CDK11A: variants seen among roughly 807,000 people sequenced by gnomAD.
CDK11A encodes cyclin-dependent kinase 11A.
CDK11A carries 55 observed loss-of-function variants against 83.6 expected under a neutral mutation model. The observed-to-expected ratio is 0.66, with a 90% CI of 0.53 to 0.82. The LOEUF (loss-of-function observed/expected upper bound fraction) is 0.82. Ranked by LOEUF, CDK11A falls within the 40% of genes least tolerant of loss-of-function variation. The probability of loss-of-function intolerance (pLI) is 0.00; values close to 1 mark genes in which losing one functional copy is unlikely to be tolerated. For missense variants in CDK11A, 564 were observed against 810.1 expected (o/e 0.70, Z 3.69); for synonymous variants, 247 against 302.7 (o/e 0.82, Z 1.91).
chr1:1,722,815 C>T lies in CDK11A; in HGVS notation c.4G>A (p.Gly2Ser). ...ACTTTCCAAGAGTCCTTTTCATCAC[C>T]CATTTGAGTTAAAACACTGCAAAAA... Reference protein sequence around the residue: MGDEKDSWKVKT... With the variant: MSDEKDSWKVKT... Residue 2 changes from glycine (G) to serine (S), a missense_variant, in exon 2 of 20, where the codon GGT becomes AGT. By Grantham distance (56) the Gly-to-Ser change is moderately conservative (BLOSUM62 0). Coordinates refer to ENST00000404249, the MANE Select transcript of CDK11A (RefSeq NM_024011.4). 3 of 1,366,052 alleles carry T rather than the reference C, an allele frequency of 2.2e-6. No individual in the cohort carries two copies. Among genetic ancestry groups the T allele is most frequent in the Non-Finnish European group, 2.9e-6 (3 of 1,023,596 alleles). 84.6% of individuals were successfully genotyped at this position (1,366,052 alleles called of 1,614,324 possible).
chr1:1,708,399 G>T (rs1200415217), intron 9 of CDK11A, among the ~76,000 whole-genome samples, 154 bp from the exon 10 acceptor site: 6 of 149,910 alleles, frequency 4.0e-5, no homozygotes, highest in Admixed American at 4.0e-4. Context: ...CCAGTGCTTT[G>T]GGAGGCCGAG....
At chr1:1,723,669 CAA>C (rs981993999) in intron 1 of CDK11A, 4 of 110,346 alleles carry the variant, frequency 3.6e-5, no homozygotes, top group Non-Finnish European at 7.6e-5. Context: ...GCATGGGCGA[CAA>C]AAAAGAGTGA....
In CDK11A at chr1:1,715,318, C is replaced by A. The variant is rs575378841; in HGVS notation, c.488+1028G>T. ...TCTGGATTGGCTGATCTGAATCGGC[C>A]CTACCCAGAAGTCTGCCCCCAACAA... On this transcript the variant is annotated intron_variant, in intron 5 of 19. Transcript: ENST00000404249. 2.3e-5 allele frequency among the ~76,000 whole-genome samples: 3 copies of A among 128,260 alleles called. No individual in the cohort carries two copies. In the South Asian group the frequency reaches 7.8e-4, roughly 33 times the overall value. 84.1% of individuals were successfully genotyped at this position (128,260 alleles called of 152,430 possible). A position where few individuals can be genotyped will look rare whatever the true frequency, so the allele number is the denominator to read the frequency against.
chr1:1,716,310 C>T, intron 5 of CDK11A, 36 bp downstream of exon 5: 2 of 1,600,542 alleles, frequency 1.2e-6, no homozygotes, highest in East Asian at 2.2e-5. Context: ...TACCACGGCC[C>T]TTTCATAAAG....
intron 11 of CDK11A, among the ~76,000 whole-genome samples, chr1:1,706,382 C>T (rs1303433097): frequency 2.6e-5 from 4 of 151,384 alleles, no homozygotes; most frequent in South Asian, 2.1e-4. Context: ...CAAAACTCTT[C>T]TCTACAAAAT....
intron 6 of CDK11A, among the ~76,000 whole-genome samples, chr1:1,710,789 A>T (rs1247617605): frequency 7.3e-6 from 1 of 137,600 alleles, no homozygotes; most frequent in Non-Finnish European, 1.6e-5. Context: ...GAGACAGAAG[A>T]TCCAACAAGA....
intron 11 of CDK11A, among the ~76,000 whole-genome samples, chr1:1,706,772 G>T (rs1233556588): frequency 1.3e-5 from 2 of 150,878 alleles, no homozygotes; most frequent in Non-Finnish European, 3.0e-5. Flanking sequence ...AAGGGGCAGA[G>T]GCGCTCACAA....
Position 1,703,854 on chromosome 1 carries a change from C to A in CDK11A, c.1881G>T (p.Ser627=). ...LTQKPLFPGN[S]EIDQINKVFK... ...ACACTTTGTTGATCTGATCGATTTC[C>A]GAATTCCCGGGGAACAGAGGCTTCT... The change falls in exon 17 of 20, where the codon TCG becomes TCT. Residue 627 remains serine, a synonymous_variant. Transcript: ENST00000404249. 3 of 1,609,328 alleles carry A rather than the reference C, an allele frequency of 1.9e-6. No individual in the cohort carries two copies. Among genetic ancestry groups the A allele is most frequent in the Non-Finnish European group, 2.5e-6 (3 of 1,176,924 alleles).
At position 1,704,759 on chromosome 1, in the gene CDK11A, G is replaced by A. The variant is rs570123809; in HGVS notation, c.1459-104C>T. On this transcript the variant is annotated intron_variant, in intron 13 of 19. Transcript: ENST00000404249. ...ACAGTAAGGACCTCCGGTGCCACCC[G>A]GGAGGCAAATACTTGCTTCTGTGTG... The A allele has an allele frequency of 2.8e-4, 442 of 1,598,824 alleles. 17 individuals carry two copies. Among genetic ancestry groups the A allele is most frequent in the Non-Finnish European group, 3.6e-4 (419 of 1,170,022 alleles).
At chr1:1,720,966 G>A (rs532042749) in intron 3 of CDK11A, among the ~76,000 whole-genome samples, 11 of 150,514 alleles carry the variant, frequency 7.3e-5, no homozygotes, top group Middle Eastern at 3.5e-3. Context: ...GTCGTGGCTC[G>A]CACCTGTAAT....
At chr1:1,719,589 T>C (rs1644821778) in intron 3 of CDK11A, 134 bp from the exon 4 acceptor site, 1 of 671,232 alleles carries the variant, frequency 1.5e-6, no homozygotes, top group Non-Finnish European at 2.2e-6. Flanking sequence ...TTTAAAAAAT[T>C]ACATTAATTC....
At chr1:1,723,560 G>T (rs1311145551) in intron 1 of CDK11A, among the ~76,000 whole-genome samples, 1 of 67,254 alleles carries the variant, frequency 1.5e-5, no homozygotes, top group African/African-American at 4.0e-5. Context: ...AAGGTGGCGA[G>T]CGCCTGTAGT....
rs1484531999 is a variant in CDK11A at position 1,704,643 on chromosome 1, C to T, written c.1471G>A (p.Gly491Ser). The T allele has an allele frequency of 3.4e-5, 54 of 1,597,568 alleles. 2 individuals are homozygous for T. The highest frequency in any genetic ancestry group is 4.4e-5 in the Non-Finnish European group (51 of 1,171,372). The change falls in exon 14 of 20, where the codon GGC (glycine) becomes AGC (serine). Residue 491 changes from glycine to serine, a missense_variant. Physicochemically the swap from Gly to Ser is moderately conservative, Grantham distance 56. Transcript: ENST00000404249. ...ATGTAGATCTTGTCCATGTTGCTGC[C>T]CACCACAATCTCCTGCAGGGCACGG... is the stretch of plus-strand genomic sequence containing the variant. ...NIVTVREIVV[G>S]SNMDKIYIVM...
chr1:1,705,182 G>A (rs1325360325), intron 12 of CDK11A, among the ~76,000 whole-genome samples, 157 bp from the exon 13 acceptor site: 4 of 126,026 alleles, frequency 3.2e-5, no homozygotes, highest in East Asian at 2.1e-4. Context: ...CCAGGAGAAC[G>A]CCCCAGCTGA....
At chr1:1,708,765 C>T in intron 9 of CDK11A, 29 bp downstream of exon 9, 2 of 1,546,470 alleles carry the variant, frequency 1.3e-6, no homozygotes, top group Non-Finnish European at 1.7e-6. Flanking sequence ...GAAGTCACAA[C>T]ACCTCACACA....
At chr1:1,720,009 G>C (rs1235730848) in intron 3 of CDK11A, among the ~76,000 whole-genome samples, 1 of 151,024 alleles carries the variant, frequency 6.6e-6, no homozygotes, top group Admixed American at 6.6e-5. Flanking sequence ...GGGGTGAGGG[G>C]CAGGTTCATT....
chr1:1,714,775 C>T (rs1570408289), intron 5 of CDK11A, among the ~76,000 whole-genome samples: 2 of 134,080 alleles, frequency 1.5e-5, no homozygotes, highest in South Asian at 2.5e-4. Context: ...GCATCTGTGG[C>T]GGCTTCTATT....
intron 13 of CDK11A, 98 bp downstream of exon 13, chr1:1,704,806 G>C: frequency 6.3e-7 from 1 of 1,599,804 alleles, no homozygotes. Flanking sequence ...GCTCCACTAA[G>C]TGCAGGAGAG....
Position 1,704,339 on chromosome 1 carries a change from C to A in CDK11A, c.1570G>T (p.Val524Leu), listed in dbSNP as rs369296379. 5 of 1,607,244 alleles carry A rather than the reference C, an allele frequency of 3.1e-6. No individual in the cohort carries two copies. Among genetic ancestry groups the A allele is most frequent in the African/African-American group, 1.3e-5 (1 of 74,404 alleles). The change falls in exon 15 of 20, where the codon GTG (valine) becomes TTG (leucine). Residue 524 changes from valine to leucine, a missense_variant. Around this residue, in one of 5 missense-constraint regions of CDK11A, gnomAD observed 361 missense variants for 402.7 expected, o/e 0.90. Coordinates refer to ENST00000404249, the MANE Select transcript of CDK11A (RefSeq NM_024011.4). ...AGCAGCTGGATCATCAGGGTCTTCACCTCCCCTGGGAGGGAGGGAGGCTCC... is the reference window on the plus strand; with the variant it reads ...AGCAGCTGGATCATCAGGGTCTTCAACTCCCCTGGGAGGGAGGGAGGCTCC... ...TMKQPFLPGE[V>L]KTLMIQLLRG...
Sources: gnomAD v4.1 joint callset for allele counts (sites outside exome capture counted in the v4.1 genomes callset) on GRCh38, gnomAD v4.1.1 for gene constraint, gnomAD v4.1.1 regional missense constraint, MANE v1.5 for transcripts, NCBI Gene and HGNC (gene_info 2026-07-23, HGNC 2026-07-21) for gene names.